CDK6: variants seen among roughly 807,000 people sequenced by gnomAD.
CDK6 encodes the protein cyclin dependent kinase 6.
In CDK6, 6 loss-of-function variants were observed where a neutral mutation model predicts 37.1. That is an observed-to-expected ratio of 0.16 (90% CI 0.09 to 0.32). CDK6 has a LOEUF of 0.32. CDK6 is among the 10% of genes least tolerant of loss of function. CDK6 has a pLI of 1.00. For synonymous variants in CDK6, 160 were observed against 161.3 expected (o/e 0.99, Z 0.06); for missense variants, 224 against 418.9 (o/e 0.53, Z 4.06).
At chr7:92,650,232 T>C (rs989427575) in intron 5 of CDK6, among the ~76,000 whole-genome samples, 4 of 152,214 alleles carry the variant, frequency 2.6e-5, no homozygotes, top group Non-Finnish European at 5.9e-5. Flanking sequence ...ACACTCATGT[T>C]TCCCCCTAAA....
intron 6 of CDK6, among the ~76,000 whole-genome samples, chr7:92,619,846 T>C (rs1795768963): frequency 6.6e-6 from 1 of 151,906 alleles, no homozygotes; most frequent in South Asian, 2.1e-4. Context: ...GAGCAATATA[T>C]AGATTTGTTC....
chr7:92,819,938 A>C (rs535977035), intron 2 of CDK6, among the ~76,000 whole-genome samples: 1 of 152,164 alleles, frequency 6.6e-6, no homozygotes, highest in Non-Finnish European at 1.5e-5. Context: ...TCTGACTAAC[A>C]GAAGAACCTT....
chr7:92,649,061 G>A (rs781743542), intron 5 of CDK6, among the ~76,000 whole-genome samples: 8 of 151,506 alleles, frequency 5.3e-5, no homozygotes, highest in African/African-American at 1.7e-4. Flanking sequence ...AAAGTCTCAC[G>A]GTCAAATATA....
intron 4 of CDK6, among the ~76,000 whole-genome samples, chr7:92,708,958 A>G (rs561199871): frequency 2.6e-5 from 4 of 152,340 alleles, no homozygotes; most frequent in East Asian, 1.9e-4. Flanking sequence ...TATGAAGGCA[A>G]TTATGACCAG....
chr7:92,808,430 T>C (rs1441090895), intron 2 of CDK6, among the ~76,000 whole-genome samples: 1 of 152,238 alleles, frequency 6.6e-6, no homozygotes, highest in Non-Finnish European at 1.5e-5. Flanking sequence ...GCCAAATAGT[T>C]TGGTAGAAAT....
chr7:92,664,975 C>T (rs962631709), intron 5 of CDK6, among the ~76,000 whole-genome samples: 10 of 152,004 alleles, frequency 6.6e-5, no homozygotes, highest in African/African-American at 1.2e-4. Flanking sequence ...TTAATAGAGA[C>T]GGGTTTTCAC....
chr7:92,777,420 A>G (rs1799879441), intron 2 of CDK6, among the ~76,000 whole-genome samples: 2 of 152,040 alleles, frequency 1.3e-5, no homozygotes, highest in African/African-American at 2.4e-5. Flanking sequence ...CTAATTTTAT[A>G]TTTTTAGTAG....
At chr7:92,761,895 T>A (rs905600234) in intron 3 of CDK6, among the ~76,000 whole-genome samples, 9 of 152,244 alleles carry the variant, frequency 5.9e-5, no homozygotes, top group Admixed American at 3.3e-4. Context: ...TTTACTTCCT[T>A]CCAAGTTCCC....
At chr7:92,731,074 T>A (rs990874070) in intron 3 of CDK6, among the ~76,000 whole-genome samples, 18 of 152,158 alleles carry the variant, frequency 1.2e-4, no homozygotes, top group Admixed American at 1.3e-4. Context: ...CCCACTTTTG[T>A]CTGCATTCTG....
chr7:92,798,976 A>AAT (rs772724402), intron 2 of CDK6, among the ~76,000 whole-genome samples: 4 of 152,148 alleles, frequency 2.6e-5, no homozygotes, highest in Non-Finnish European at 5.9e-5. Flanking sequence ...CAATATGCTA[A>AAT]ATCTGCAATT....
At chr7:92,811,280 A>C (rs1800876928) in intron 2 of CDK6, among the ~76,000 whole-genome samples, 1 of 152,122 alleles carries the variant, frequency 6.6e-6, no homozygotes, top group Non-Finnish European at 1.5e-5. Flanking sequence ...ATAATGTTGT[A>C]TCTACTAGAA....
intron 4 of CDK6, among the ~76,000 whole-genome samples, chr7:92,718,461 G>T (rs775994011): frequency 3.3e-5 from 5 of 152,164 alleles, no homozygotes; most frequent in Non-Finnish European, 7.3e-5. Flanking sequence ...AATACAACAC[G>T]CACGAAGAGG....
At chr7:92,732,449 A>G (rs1299556769) in intron 3 of CDK6, among the ~76,000 whole-genome samples, 2 of 152,192 alleles carry the variant, frequency 1.3e-5, no homozygotes, top group Non-Finnish European at 2.9e-5. Flanking sequence ...AATGGCTGCA[A>G]TTGGACAAAA....
At chr7:92,724,916 G>T in intron 4 of CDK6, 1 of 619,722 alleles carries the variant, frequency 1.6e-6, no homozygotes, top group Non-Finnish European at 2.0e-6. Flanking sequence ...TGTATTTGGG[G>T]TGCAGAATTT....
chr7:92,627,785 G>T (rs185524736), intron 5 of CDK6, among the ~76,000 whole-genome samples: 3 of 151,994 alleles, frequency 2.0e-5, no homozygotes, highest in African/African-American at 7.3e-5. Flanking sequence ...TTGGTGAATT[G>T]TGTGGTTATA....
intron 4 of CDK6, among the ~76,000 whole-genome samples, chr7:92,689,017 A>C (rs1797536980): frequency 6.6e-6 from 1 of 152,158 alleles, no homozygotes. Context: ...GTAGTTTAGA[A>C]ACTCTGAATT....
chr7:92,708,738 A>G (rs931505581), intron 4 of CDK6, among the ~76,000 whole-genome samples: 1 of 152,228 alleles, frequency 6.6e-6, no homozygotes, highest in Non-Finnish European at 1.5e-5. Flanking sequence ...TTAAACCACT[A>G]GAAAATTTCT....
chr7:92,742,652 A>G (rs1275841092), intron 3 of CDK6, among the ~76,000 whole-genome samples: 2 of 152,128 alleles, frequency 1.3e-5, no homozygotes, highest in East Asian at 3.9e-4. Flanking sequence ...GGCTAAACAA[A>G]TTGTTTTTCT....
At chr7:92,649,788 C>T (rs143026015) in intron 5 of CDK6, among the ~76,000 whole-genome samples, 19 of 152,300 alleles carry the variant, frequency 1.2e-4, no homozygotes, top group African/African-American at 4.6e-4. Context: ...CTGTGCTTAA[C>T]TACCTTTGGA....
Sources: allele counts gnomAD v4.1 joint callset (sites outside exome capture counted in the v4.1 genomes callset), GRCh38; gene constraint gnomAD v4.1.1; transcripts MANE v1.5; gene names NCBI Gene and HGNC (gene_info 2026-07-23, HGNC 2026-07-21).